LPCAT2: variants seen among roughly 807,000 people sequenced by gnomAD.
LPCAT2 encodes 1-AGP acyltransferase 11.
In LPCAT2, 58 loss-of-function variants were observed where a neutral mutation model predicts 64.7. The ratio of observed to expected loss-of-function variants is 0.90; its 90% CI spans 0.73 to 1.12. LPCAT2 has a LOEUF of 1.12. Ranked by LOEUF, LPCAT2 falls within the 50% of genes most tolerant of loss-of-function variation. LPCAT2 has a pLI of 0.00. For missense variants in LPCAT2, 579 were observed against 669.8 expected (o/e 0.86, Z 1.50); for synonymous variants, 252 against 245.3 (o/e 1.03, Z -0.26).
Position 55,509,101 on chromosome 16 carries a change from GA to G in LPCAT2, c.-80del, listed in dbSNP as rs1454514836. 1.7e-6 allele frequency: 2 copies of G among 1,192,784 alleles called. No individual in the cohort carries two copies. The highest frequency in any genetic ancestry group is 2.1e-6 in the Non-Finnish European group (2 of 936,048). The allele number at this position is 1,192,784 out of a possible 1,614,324, so 73.9% of individuals were successfully genotyped here. On this transcript the variant is annotated 5_prime_UTR_variant, in exon 1 of 14. Transcript: ENST00000262134. ...GCTCCCCAGCGTCGCCCTAGGCTGG[GA>G]CTCTAGTAGGTCTTCGGCTCAGTTT...
At chr16:55,509,468 G>T in intron 1 of LPCAT2, 116 bp downstream of exon 1, 1 of 1,118,028 alleles carries the variant, frequency 8.9e-7, no homozygotes. Flanking sequence ...GCGTGGGTCT[G>T]AGGGAGTGAG....
At chr16:55,567,156 G>C in intron 11 of LPCAT2, 9 of 1,613,900 alleles carry the variant, frequency 5.6e-6, no homozygotes, top group Non-Finnish European at 7.6e-6. Flanking sequence ...CATGGACAGT[G>C]ACACGACTGG....
rs528238477 is a variant in LPCAT2 at position 55,535,897 on chromosome 16, A to G, written c.797+1420A>G. Among the ~76,000 whole-genome samples, 3 of 152,328 alleles carry G rather than the reference A, an allele frequency of 2.0e-5. No individual in the cohort carries two copies. The South Asian group carries it at 6.2e-4, about 32-fold the overall frequency. On this transcript the variant is annotated intron_variant, in intron 7 of 13. Coordinates refer to ENST00000262134, the MANE Select transcript of LPCAT2 (RefSeq NM_017839.5). Reference sequence around the variant, plus strand: ...GGAAGAGGAACTGGGGATAGAAAATATAATAGACGGGTTTAGTTAATCTAG... The same window carrying G: ...GGAAGAGGAACTGGGGATAGAAAATGTAATAGACGGGTTTAGTTAATCTAG...
At chr16:55,535,973 G>A (rs1424823159) in intron 7 of LPCAT2, among the ~76,000 whole-genome samples, 2 of 152,106 alleles carry the variant, frequency 1.3e-5, no homozygotes, top group African/African-American at 2.4e-5. Flanking sequence ...TTAGGAGAAA[G>A]AATTCAGGAA....
At chr16:55,545,485 G>T (rs1019248274) in intron 8 of LPCAT2, 2 of 315,590 alleles carry the variant, frequency 6.3e-6, no homozygotes, top group Non-Finnish European at 5.8e-6. Context: ...CAGGGAAGTA[G>T]TGATCTTAGC....
Position 55,532,880 on chromosome 16 carries a change from C to T in LPCAT2, c.760C>T (p.Leu254=), listed in dbSNP as rs767618781. The change falls in exon 6 of 14, where the codon CTG becomes TTG. Residue 254 remains leucine (L), a splice_region_variant and synonymous_variant. Transcript: ENST00000262134. ...QPVLLRYPNK[L]DTVTWTWQGY... is the part of the protein sequence containing the mutation. ...AGTCCTCCTCAGATACCCAAACAAG[C>T]TGGTAAGCACAGTATTTTACCACAG... 24 of 1,610,872 alleles carry T rather than the reference C, an allele frequency of 1.5e-5. No homozygotes were observed. The Middle Eastern group carries it at 8.2e-4, about 55-fold the overall frequency.
chr16:55,578,943 C>A, intron 12 of LPCAT2, 166 bp from the exon 13 acceptor site: 1 of 651,460 alleles, frequency 1.5e-6, no homozygotes, highest in Non-Finnish European at 2.7e-6. Flanking sequence ...TCTCAAACAC[C>A]AAGCTACAGG....
At position 55,583,260 on chromosome 16, in the gene LPCAT2, C is replaced by T; in HGVS notation, c.*162C>T. ...ACTAAAAATGTTTTTATTAACCTTG[C>T]TTTTATTGGAAAAAATCAAGCAATA... is the stretch of plus-strand genomic sequence containing the variant. On this transcript the variant is annotated 3_prime_UTR_variant, in exon 14 of 14. Transcript: ENST00000262134. 1.7e-6 allele frequency: 1 copy of T among 601,312 alleles called. No individual in the cohort carries two copies. Among genetic ancestry groups the T allele is most frequent in the South Asian group, 3.0e-5 (1 of 32,958 alleles). 37.2% of individuals were successfully genotyped at this position (601,312 alleles called of 1,614,324 possible).
chr16:55,521,382 A>G (rs1467036560), intron 1 of LPCAT2, among the ~76,000 whole-genome samples: 1 of 151,844 alleles, frequency 6.6e-6, no homozygotes, highest in Non-Finnish European at 1.5e-5. Context: ...TTATTTTACT[A>G]GTAAATTTTG....
chr16:55,563,610 G>C (rs1587632), intron 11 of LPCAT2, among the ~76,000 whole-genome samples: 2,406 of 152,026 alleles, frequency 0.016, 58 homozygotes, highest in African/African-American at 0.054. Flanking sequence ...AAAATCACAT[G>C]ATCATCTTAA....
At chr16:55,519,623 G>A (rs1303825656) in intron 1 of LPCAT2, among the ~76,000 whole-genome samples, 1 of 152,008 alleles carries the variant, frequency 6.6e-6, no homozygotes, top group Non-Finnish European at 1.5e-5. Context: ...ACTGGAAATG[G>A]TAAATATGGA....
chr16:55,533,537 C>T (rs551158335), intron 6 of LPCAT2, among the ~76,000 whole-genome samples: 131 of 151,186 alleles, frequency 8.7e-4, no homozygotes, highest in African/African-American at 3.0e-3. Flanking sequence ...CTCAGCCTCC[C>T]GAGTAGTGGG....
At chr16:55,544,159 C>T (rs935482778) in intron 8 of LPCAT2, among the ~76,000 whole-genome samples, 3 of 152,134 alleles carry the variant, frequency 2.0e-5, no homozygotes, top group Non-Finnish European at 4.4e-5. Flanking sequence ...CATTCCCTTG[C>T]TTAAATGTCA....
intron 11 of LPCAT2, among the ~76,000 whole-genome samples, chr16:55,551,894 G>A (rs1371037503): frequency 1.3e-5 from 2 of 152,064 alleles, no homozygotes; most frequent in African/African-American, 4.8e-5. Flanking sequence ...GTTGCAATGA[G>A]CCAAGATCAT....
At chr16:55,516,217 A>G (rs117855800) in intron 1 of LPCAT2, among the ~76,000 whole-genome samples, 1,967 of 152,146 alleles carry the variant, frequency 0.013, 56 homozygotes, top group East Asian at 0.11. Context: ...TGTTCCTTCT[A>G]TCTCAGCCTC....
At chr16:55,539,409 G>A (rs4238780) in intron 8 of LPCAT2, 143,930 of 152,134 alleles carry the variant, frequency 0.95, 68,599 homozygotes, top group East Asian at 1. Context: ...AAATAGCCGC[G>A]TCGACAGAGA....
At chr16:55,575,030 G>A (rs562854943) in intron 12 of LPCAT2, among the ~76,000 whole-genome samples, 3 of 151,952 alleles carry the variant, frequency 2.0e-5, no homozygotes, top group East Asian at 3.9e-4. Flanking sequence ...AGCCCCAAAG[G>A]GAAGTTTATA....
chr16:55,566,739 G>A, intron 11 of LPCAT2: 1 of 1,589,074 alleles, frequency 6.3e-7, no homozygotes, highest in Admixed American at 1.8e-5. Flanking sequence ...TGCCGCATTT[G>A]CTTGTTAAAC....
intron 8 of LPCAT2, chr16:55,541,287 G>A (rs1374565864): frequency 6.6e-6 from 1 of 151,892 alleles, no homozygotes; most frequent in Non-Finnish European, 1.5e-5. Context: ...TAATAGAAAG[G>A]TTTGTTTTTT....
Sources: gnomAD v4.1 joint callset for allele counts (sites outside exome capture counted in the v4.1 genomes callset) on GRCh38, gnomAD v4.1.1 for gene constraint, MANE v1.5 for transcripts, NCBI Gene and HGNC (gene_info 2026-07-23, HGNC 2026-07-21) for gene names.